ARNT2: variants seen among roughly 807,000 people sequenced by gnomAD.
ARNT2 encodes ARNT protein 2.
In ARNT2, 36 loss-of-function variants were observed where a neutral mutation model predicts 91.7. The observed-to-expected ratio is 0.39, with a 90% confidence interval of 0.30 to 0.52. The LOEUF (loss-of-function observed/expected upper bound fraction) is 0.52. Among genes scored for constraint, ARNT2 ranks in the 20% least tolerant of loss-of-function variants. The probability of loss-of-function intolerance (pLI) is 0.72; values close to 1 mark genes in which losing one functional copy is unlikely to be tolerated. For missense variants in ARNT2, 775 were observed against 939.3 expected (o/e 0.83, Z 2.29); for synonymous variants, 365 against 347.1 (o/e 1.05, Z -0.57).
At chr15:80,577,060 G>A in intron 15 of ARNT2, 95 bp downstream of exon 15, 2 of 1,257,326 alleles carry the variant, frequency 1.6e-6, no homozygotes, top group South Asian at 1.2e-5. Context: ...CTGTAAGCAT[G>A]AGTTAGTGGT....
intron 17 of ARNT2, among the ~76,000 whole-genome samples, chr15:80,582,020 A>G (rs1898808023): frequency 6.6e-6 from 1 of 152,202 alleles, no homozygotes; most frequent in African/African-American, 2.4e-5. Context: ...AAGAAGTCCA[A>G]GCTGGTGCCT....
At chr15:80,408,706 C>G (rs1275563321) in intron 1 of ARNT2, among the ~76,000 whole-genome samples, 2 of 152,090 alleles carry the variant, frequency 1.3e-5, no homozygotes, top group East Asian at 3.9e-4. Flanking sequence ...TATATCCTGT[C>G]CTTCATTGAA....
intron 5 of ARNT2, among the ~76,000 whole-genome samples, chr15:80,486,433 C>T (rs956966569): frequency 2.6e-5 from 4 of 152,138 alleles, no homozygotes; most frequent in African/African-American, 9.7e-5. Flanking sequence ...GGGAGTTGAT[C>T]CACTCACTCT....
intron 1 of ARNT2, among the ~76,000 whole-genome samples, chr15:80,410,756 T>TTATCTATC (rs71153533): frequency 2.6e-4 from 37 of 144,150 alleles, no homozygotes; most frequent in Non-Finnish European, 4.7e-4. Flanking sequence ...CCATTCATTT[T>TTATCTATC]TATCTATCTA....
chr15:80,490,401 G>C (rs1474268095), intron 5 of ARNT2, among the ~76,000 whole-genome samples: 3 of 152,252 alleles, frequency 2.0e-5, no homozygotes, highest in Non-Finnish European at 4.4e-5. Flanking sequence ...TGAGCCATCA[G>C]CTGAAGAACC....
At chr15:80,553,311 A>C (rs1309635672) in intron 10 of ARNT2, among the ~76,000 whole-genome samples, 2 of 152,198 alleles carry the variant, frequency 1.3e-5, no homozygotes, top group Non-Finnish European at 2.9e-5. Flanking sequence ...ATGCCACATA[A>C]GGGCCTTAAT....
chr15:80,474,904 A>G, intron 4 of ARNT2, 106 bp from the exon 5 acceptor site: 1 of 1,141,018 alleles, frequency 8.8e-7, no homozygotes, highest in East Asian at 2.4e-5. Flanking sequence ...TGTGTACCAG[A>G]ATAAATATGC....
intron 3 of ARNT2, among the ~76,000 whole-genome samples, chr15:80,469,608 TTG>T (rs746046725): frequency 1.3e-5 from 2 of 151,902 alleles, no homozygotes; most frequent in East Asian, 3.9e-4. Context: ...GTAACCACAT[TTG>T]TGTGTGTGTG....
chr15:80,483,243 A>G (rs1415888622), intron 5 of ARNT2, among the ~76,000 whole-genome samples: 1 of 152,238 alleles, frequency 6.6e-6, no homozygotes, highest in Non-Finnish European at 1.5e-5. Context: ...CGAGGAACTT[A>G]TATACTTCGA....
intron 6 of ARNT2, among the ~76,000 whole-genome samples, chr15:80,510,452 G>C (rs966303015): frequency 6.6e-6 from 1 of 151,996 alleles, no homozygotes; most frequent in Non-Finnish European, 1.5e-5. Flanking sequence ...TAAAAAAAAA[G>C]CTCAATATCA....
At chr15:80,454,043 T>C (rs1450094959) in intron 2 of ARNT2, among the ~76,000 whole-genome samples, 1 of 152,234 alleles carries the variant, frequency 6.6e-6, no homozygotes, top group Non-Finnish European at 1.5e-5. Context: ...ATGGTTTAAC[T>C]TTCTTCCCAT....
At chr15:80,549,322 GCTTT>G (rs1425183111) in intron 8 of ARNT2, among the ~76,000 whole-genome samples, 1 of 152,134 alleles carries the variant, frequency 6.6e-6, no homozygotes, top group African/African-American at 2.4e-5. Flanking sequence ...GTAAGAAATA[GCTTT>G]CTAACTATGA....
rs2141427358 is a variant in ARNT2, at chr15:80,512,872, C to T, written c.726-1039C>T. ...GCCAGGTCCATACTGCCTGTGTTTACCTGAGAGGTGGGCAGTGCTGCCATC... is the reference window on the plus strand; with the variant it reads ...GCCAGGTCCATACTGCCTGTGTTTATCTGAGAGGTGGGCAGTGCTGCCATC... On this transcript the variant is annotated intron_variant, in intron 6 of 18. Coordinates refer to ENST00000303329, the MANE Select transcript of ARNT2 (RefSeq NM_014862.4). Among the ~76,000 whole-genome samples the T allele has an allele frequency of 2.0e-5, 3 of 152,272 alleles. No individual in the cohort carries two copies. The Middle Eastern group carries it at 0.01, about 518-fold the overall frequency.
intron 1 of ARNT2, among the ~76,000 whole-genome samples, chr15:80,421,115 G>A (rs976142461): frequency 2.6e-5 from 4 of 152,232 alleles, no homozygotes; most frequent in Non-Finnish European, 2.9e-5. Flanking sequence ...AACTTGGATG[G>A]AGCTGGAGGC....
chr15:80,587,051 A>G (rs979713320), intron 17 of ARNT2, among the ~76,000 whole-genome samples: 2 of 152,080 alleles, frequency 1.3e-5, no homozygotes, highest in African/African-American at 4.8e-5. Context: ...CCAGTGAATT[A>G]TGGGGAATTA....
chr15:80,597,221 C>T lies in ARNT2; in HGVS notation c.*3523C>T, dbSNP rs764320581. 1.9e-5 allele frequency: 10 copies of T among 518,360 alleles called. No homozygotes were observed. Among genetic ancestry groups the T allele is most frequent in the African/African-American group, 7.7e-5 (4 of 51,792 alleles). 32.1% of individuals were successfully genotyped at this position (518,360 alleles called of 1,614,324 possible). On this transcript the variant is annotated 3_prime_UTR_variant, in exon 19 of 19. Coordinates refer to ENST00000303329, the MANE Select transcript of ARNT2 (RefSeq NM_014862.4). ...GAATGAATGGTGGTCTCCCCACTCC[C>T]GGCAGCACTTTAGGCAGCCCATAAG... is the stretch of plus-strand genomic sequence containing the variant.
Position 80,500,920 on chromosome 15 carries a change from T to TATA in ARNT2, c.623-7234_623-7232dup, listed in dbSNP as rs1021521603. ...CAGGAAGTACTTTGTTGACTCATGT[T>TATA]ATAAAGCATGTTATGCTTTTCAACT... On this transcript the variant is annotated intron_variant, in intron 5 of 18. Coordinates refer to ENST00000303329, the MANE Select transcript of ARNT2 (RefSeq NM_014862.4). Among the ~76,000 whole-genome samples, 40 of 152,372 alleles carry TATA rather than the reference T, an allele frequency of 2.6e-4. 1 individual carries two copies. The highest frequency in any genetic ancestry group is 8.7e-4 in the African/African-American group (36 of 41,592).
intron 8 of ARNT2, among the ~76,000 whole-genome samples, chr15:80,519,811 A>T (rs1178165157): frequency 6.8e-6 from 1 of 147,896 alleles, no homozygotes; most frequent in African/African-American, 2.5e-5. Context: ...TCAGCCTCCG[A>T]GTAACTGGGA....
intron 1 of ARNT2, among the ~76,000 whole-genome samples, chr15:80,437,536 G>A (rs1896107881): frequency 6.6e-6 from 1 of 152,208 alleles, no homozygotes; most frequent in Non-Finnish European, 1.5e-5. Flanking sequence ...GTTGCCATGT[G>A]GATTTATGAG....
Sources: gnomAD v4.1 joint callset for allele counts (sites outside exome capture counted in the v4.1 genomes callset) on GRCh38, gnomAD v4.1.1 for gene constraint, MANE v1.5 for transcripts, NCBI Gene and HGNC (gene_info 2026-07-23, HGNC 2026-07-21) for gene names.